Variants in R3HDM2 observed in about 807,000 individuals in gnomAD.
The protein encoded by R3HDM2 is R3H domain-containing protein 2.
Under a neutral mutation model 124.5 loss-of-function variants are expected in R3HDM2, and 38 were observed. That is an observed-to-expected ratio of 0.31 (90% confidence interval 0.24 to 0.40). R3HDM2 has a LOEUF of 0.40. R3HDM2 is among the 10% of genes least tolerant of loss of function. The pLI, the probability that R3HDM2 is intolerant of heterozygous loss-of-function variation, is 1.00. For missense variants in R3HDM2, 869 were observed against 1,236.9 expected, an observed-to-expected ratio of 0.70 and a Z score of 4.46; for synonymous variants, 391 against 448.0, an observed-to-expected ratio of 0.87 and a Z score of 1.61.
intron 5 of R3HDM2, 50 bp downstream of exon 5, chr12:57,300,045 C>T: frequency 1.4e-6 from 2 of 1,393,110 alleles, no homozygotes; most frequent in Non-Finnish European, 2.0e-6. Context: ...TACATCTTAC[C>T]AAACAACTGC....
At chr12:57,399,740 A>T (rs1353369977) in intron 1 of R3HDM2, among the ~76,000 whole-genome samples, 1 of 152,218 alleles carries the variant, frequency 6.6e-6, no homozygotes, top group Non-Finnish European at 1.5e-5. Flanking sequence ...AAACAGCCAC[A>T]TGCCACTTCT....
intron 13 of R3HDM2, among the ~76,000 whole-genome samples, chr12:57,282,095 A>C (rs983299102): frequency 1.3e-5 from 2 of 151,998 alleles, no homozygotes; most frequent in Non-Finnish European, 2.9e-5. Flanking sequence ...GGATCACCTG[A>C]CATCAGGAGT....
chr12:57,380,769 A>T (rs1002327480), intron 2 of R3HDM2, among the ~76,000 whole-genome samples: 1 of 151,500 alleles, frequency 6.6e-6, no homozygotes, highest in African/African-American at 2.4e-5. Context: ...AAGCTTTCTT[A>T]AAAAAAAAGA....
At position 57,259,038 on chromosome 12, in the gene R3HDM2, C is replaced by G; in HGVS notation, c.2153G>C (p.Gly718Ala). 6.2e-7 allele frequency: 1 copy of G among 1,612,598 alleles called. No individual in the cohort carries two copies. Among genetic ancestry groups the G allele is most frequent in the Admixed American group, 1.7e-5 (1 of 59,668 alleles). The change falls in exon 20 of 24, where the codon GGT becomes GCT. Residue 718 changes from glycine (G) to alanine (A), a missense_variant. By Grantham distance (60) the Gly-to-Ala change is moderately conservative. Transcript: ENST00000402412. ...GACATTCAGCTGCATGACCACTACA[C>G]CTGGTCCAGAAGGTGACACTCCTGA... ...QYSGVSPSGP[G>A]VVVMQLNVPN...
chr12:57,362,428 T>C (rs1566340968), intron 2 of R3HDM2, among the ~76,000 whole-genome samples: 1 of 152,266 alleles, frequency 6.6e-6, no homozygotes, highest in Non-Finnish European at 1.5e-5. Context: ...CAAAATATGT[T>C]TTAATCAACT....
In R3HDM2 at chr12:57,284,044, T is replaced by A. The variant is rs2046787173; in HGVS notation, c.951A>T (p.Glu317Asp). 1.2e-6 allele frequency: 2 copies of A among 1,600,484 alleles called. No homozygotes were observed. Among genetic ancestry groups the A allele is most frequent in the Non-Finnish European group, 1.7e-6 (2 of 1,173,692 alleles). Residue 317 changes from glutamate to aspartate, a missense_variant, in exon 13 of 24, where the codon GAA becomes GAT. Physicochemically the swap from Glu to Asp is conservative, Grantham distance 45 (BLOSUM62 2). Around this residue, in one of 2 missense-constraint regions of R3HDM2, gnomAD observed 267 missense variants for 447.7 expected, o/e 0.60. Transcript: ENST00000402412. ...GYLNDIRGNR[E>D]GLSRTSSSRQ... ...GGCTGCTTGAGGTGCGGCTCAGTCC[T>A]TCACGGTTCCCCCTGCAGAGACCAT...
intron 13 of R3HDM2, among the ~76,000 whole-genome samples, chr12:57,281,361 C>T (rs1434355548): frequency 6.6e-6 from 1 of 151,998 alleles, no homozygotes; most frequent in Non-Finnish European, 1.5e-5. Context: ...CTCATTTCCC[C>T]ATTTCTAGGC....
chr12:57,375,331 T>A (rs1015432582), intron 2 of R3HDM2, among the ~76,000 whole-genome samples: 1 of 152,330 alleles, frequency 6.6e-6, no homozygotes, highest in African/African-American at 2.4e-5. Context: ...CTGATCCTTT[T>A]ATACATTACT....
intron 1 of R3HDM2, among the ~76,000 whole-genome samples, chr12:57,407,173 C>T (rs1188403819): frequency 2.6e-5 from 4 of 151,208 alleles, no homozygotes; most frequent in Middle Eastern, 3.4e-3. Context: ...TCTCTTGAAC[C>T]GGGGAGGTGG....
chr12:57,422,441 T>A (rs2139594944), intron 1 of R3HDM2, among the ~76,000 whole-genome samples: 1 of 152,322 alleles, frequency 6.6e-6, no homozygotes, highest in Admixed American at 6.5e-5. Flanking sequence ...AAGACTCTGT[T>A]ACCTTGCTCT....
At chr12:57,313,685 G>C (rs960587442) in intron 2 of R3HDM2, among the ~76,000 whole-genome samples, 1 of 151,534 alleles carries the variant, frequency 6.6e-6, no homozygotes, top group African/African-American at 2.4e-5. Flanking sequence ...TTTGAGACTG[G>C]CCTGGGTGAC....
At chr12:57,425,740 G>A (rs1174824708) in intron 1 of R3HDM2, among the ~76,000 whole-genome samples, 1 of 152,192 alleles carries the variant, frequency 6.6e-6, no homozygotes, top group East Asian at 1.9e-4. Flanking sequence ...GGAGGTGGTA[G>A]TGAGCTGAAA....
At chr12:57,394,897 A>C (rs1259167604) in intron 2 of R3HDM2, among the ~76,000 whole-genome samples, 1 of 152,216 alleles carries the variant, frequency 6.6e-6, no homozygotes, top group Non-Finnish European at 1.5e-5. Flanking sequence ...ACTATTTCAA[A>C]ACATTTTATC....
chr12:57,339,937 CA>C (rs896562331), intron 2 of R3HDM2, among the ~76,000 whole-genome samples: 2 of 151,780 alleles, frequency 1.3e-5, no homozygotes, highest in African/African-American at 4.8e-5. Context: ...AAACAAAAAA[CA>C]AAAAAAGTAG....
intron 19 of R3HDM2, among the ~76,000 whole-genome samples, chr12:57,263,813 T>C (rs189344897): frequency 1.4e-4 from 21 of 152,352 alleles, no homozygotes; most frequent in African/African-American, 5.0e-4. Context: ...TGATCATGTC[T>C]AATGAGTAAG....
intron 2 of R3HDM2, among the ~76,000 whole-genome samples, chr12:57,346,394 G>A (rs529741538): frequency 2.0e-5 from 3 of 151,732 alleles, no homozygotes; most frequent in Non-Finnish European, 4.4e-5. Context: ...GGAGGCAGAG[G>A]TTGCAGTGAG....
chr12:57,415,580 G>GAAAA (rs60093547), intron 1 of R3HDM2, among the ~76,000 whole-genome samples: 19 of 144,876 alleles, frequency 1.3e-4, no homozygotes, highest in African/African-American at 4.8e-4. Flanking sequence ...GCCAGGGGTG[G>GAAAA]AAAAAAAAAA....
chr12:57,386,363 C>T (rs1426129315), intron 2 of R3HDM2, among the ~76,000 whole-genome samples: 3 of 152,228 alleles, frequency 2.0e-5, no homozygotes, highest in Admixed American at 6.5e-5. Flanking sequence ...CGGGCCAGCA[C>T]GAGTTCCGGG....
chr12:57,409,522 AAAAG>A (rs1232683125), intron 1 of R3HDM2, among the ~76,000 whole-genome samples: 4 of 151,208 alleles, frequency 2.6e-5, no homozygotes, highest in African/African-American at 7.3e-5. Context: ...CAAAAAAAAA[AAAAG>A]AAAAAGAAAA....
Sources: allele counts gnomAD v4.1 joint callset (sites outside exome capture counted in the v4.1 genomes callset), GRCh38; gene constraint gnomAD v4.1.1; regional missense constraint gnomAD v4.1.1; transcripts MANE v1.5; gene names NCBI Gene and HGNC (gene_info 2026-07-23, HGNC 2026-07-21).